The following PPP1R1C variants were observed in gnomAD, a reference collection of about 807,000 sequenced individuals.
PPP1R1C encodes protein phosphatase 1 regulatory subunit 1C.
PPP1R1C carries 15 observed loss-of-function variants against 17.4 expected under a neutral mutation model. The observed-to-expected ratio is 0.86, with a 90% CI of 0.58 to 1.33. PPP1R1C has a LOEUF of 1.33. Ranked by LOEUF, PPP1R1C falls within the 40% of genes most tolerant of loss-of-function variation. The probability of loss-of-function intolerance (pLI) is 0.00; values close to 1 mark genes in which losing one functional copy is unlikely to be tolerated. For missense variants in PPP1R1C, 143 were observed against 130.0 expected, an observed-to-expected ratio of 1.10 and a Z score of -0.48; for synonymous variants, 35 against 43.1, an observed-to-expected ratio of 0.81 and a Z score of 0.73.
chr2:182,127,075 C>T (rs1689892634), intron 5 of PPP1R1C, among the ~76,000 whole-genome samples: 1 of 151,960 alleles, frequency 6.6e-6, no homozygotes, highest in Non-Finnish European at 1.5e-5. Flanking sequence ...TATTAGAATC[C>T]TGAAAGTAAC....
At chr2:182,105,069 A>C (rs1689204032) in intron 4 of PPP1R1C, among the ~76,000 whole-genome samples, 1 of 152,130 alleles carries the variant, frequency 6.6e-6, no homozygotes, top group Non-Finnish European at 1.5e-5. Flanking sequence ...TGTAAAAAAA[A>C]ATGAGGGGTG....
At chr2:181,985,326 C>T (rs371691481), upstream of PPP1R1C, among the ~76,000 whole-genome samples, 1 of 152,114 alleles carries the variant, frequency 6.6e-6, no homozygotes, top group South Asian at 2.1e-4. The surrounding 1 kb of genome is among the most constrained non-coding windows in gnomAD (Gnocchi z 4.1). Context: ...AGTGTGGAGG[C>T]CTAGACGTAG....
intron 2 of PPP1R1C, among the ~76,000 whole-genome samples, chr2:182,030,634 T>C (rs7567169): frequency 0.61 from 84,664 of 137,942 alleles, 26,854 homozygotes; most frequent in Non-Finnish European, 0.72. Flanking sequence ...GACAGGGACA[T>C]TTAAGTCTGC....
intron 2 of PPP1R1C, among the ~76,000 whole-genome samples, chr2:182,023,249 A>G (rs1023992709): frequency 3.3e-5 from 5 of 152,220 alleles, no homozygotes; most frequent in Non-Finnish European, 7.3e-5. Context: ...TCAGATGATA[A>G]GAAGAAACAG....
downstream of PPP1R1C, among the ~76,000 whole-genome samples, chr2:182,119,468 G>A (rs1316236343): frequency 6.6e-6 from 1 of 152,168 alleles, no homozygotes; most frequent in Admixed American, 6.5e-5. Flanking sequence ...CTAGATCCCT[G>A]AGGAATCACC....
chr2:182,071,899 T>C (rs1470372930), intron 4 of PPP1R1C, among the ~76,000 whole-genome samples: 5 of 152,212 alleles, frequency 3.3e-5, no homozygotes, highest in African/African-American at 1.2e-4. Context: ...AGAATATCTT[T>C]ACTTTCTGGG....
chr2:182,120,470 G>A (rs1234219876), downstream of PPP1R1C, among the ~76,000 whole-genome samples: 1 of 151,998 alleles, frequency 6.6e-6, no homozygotes, highest in Non-Finnish European at 1.5e-5. Flanking sequence ...AATGATAAAG[G>A]GGATATCACC....
At chr2:182,124,327 G>GTTTTTTTTTTGT (rs1689816316) in intron 5 of PPP1R1C, among the ~76,000 whole-genome samples, 1 of 83,008 alleles carries the variant, frequency 1.2e-5, no homozygotes, top group African/African-American at 6.0e-5. Flanking sequence ...TTTTTTTTTT[G>GTTTTTTTTTTGT]TTTTTTTTTT....
intron 2 of PPP1R1C, among the ~76,000 whole-genome samples, chr2:182,016,101 A>G (rs1371700881): frequency 6.6e-6 from 1 of 152,160 alleles, no homozygotes; most frequent in Non-Finnish European, 1.5e-5. Flanking sequence ...GATTCCAGCC[A>G]CTGGGATGAG....
intron 2 of PPP1R1C, among the ~76,000 whole-genome samples, chr2:182,027,901 T>A (rs1189337203): frequency 1.6e-5 from 2 of 124,544 alleles, no homozygotes; most frequent in African/African-American, 5.8e-5. Flanking sequence ...CTGTTATTGG[T>A]TTATTCAGAG....
At chr2:181,973,588 T>G (rs879436343) in intron 1 of PPP1R1C, among the ~76,000 whole-genome samples, 2 of 152,102 alleles carry the variant, frequency 1.3e-5, no homozygotes, top group Non-Finnish European at 2.9e-5. Flanking sequence ...ATAGTGATAA[T>G]AAAAAAGGCA....
chr2:181,956,706 T>A, intron 1 of PPP1R1C, among the ~76,000 whole-genome samples: 1 of 152,196 alleles, frequency 6.6e-6, no homozygotes, highest in East Asian at 1.9e-4. Context: ...TTGAAAAGTA[T>A]CTGTTCATAT....
intron 2 of PPP1R1C, among the ~76,000 whole-genome samples, chr2:182,019,486 A>G (rs758001568): frequency 1.1e-4 from 16 of 152,198 alleles, no homozygotes; most frequent in Non-Finnish European, 2.2e-4. Context: ...CCTGCTGATG[A>G]TACAATGGTA....
chr2:181,999,584 C>T (rs1227062801), intron 2 of PPP1R1C, among the ~76,000 whole-genome samples: 2 of 152,040 alleles, frequency 1.3e-5, no homozygotes, highest in Non-Finnish European at 2.9e-5. Flanking sequence ...TATAAGCAAG[C>T]TCCTCTTTGT....
chr2:182,073,562 A>G (rs1166803627), intron 4 of PPP1R1C, among the ~76,000 whole-genome samples: 1 of 152,226 alleles, frequency 6.6e-6, no homozygotes, highest in Non-Finnish European at 1.5e-5. Context: ...GTCAAATGAA[A>G]AAGAAAGTTA....
chr2:182,096,003 A>T (rs902019155), intron 4 of PPP1R1C, among the ~76,000 whole-genome samples: 5 of 152,056 alleles, frequency 3.3e-5, no homozygotes, highest in Non-Finnish European at 7.4e-5. Flanking sequence ...TCTAAAAAAA[A>T]AAAAAAGGTA....
At chr2:181,987,272 A>G (rs1024142646) in intron 1 of PPP1R1C, among the ~76,000 whole-genome samples, 4 of 152,170 alleles carry the variant, frequency 2.6e-5, no homozygotes, top group Non-Finnish European at 5.9e-5. Context: ...TGAAAAAAAA[A>G]AACTTTAGAG....
At chr2:181,997,128 C>T (rs1685635180) in intron 2 of PPP1R1C, among the ~76,000 whole-genome samples, 2 of 151,554 alleles carry the variant, frequency 1.3e-5, no homozygotes, top group African/African-American at 2.4e-5. Context: ...ACTCCGGAGG[C>T]TGAGGCAGGA....
At chr2:182,072,504 G>A (rs551284778) in intron 4 of PPP1R1C, among the ~76,000 whole-genome samples, 1 of 152,298 alleles carries the variant, frequency 6.6e-6, no homozygotes, top group East Asian at 1.9e-4. Flanking sequence ...TTATTTTGGA[G>A]GAAAGTGTGG....
Sources: gnomAD v4.1 joint callset for allele counts (sites outside exome capture counted in the v4.1 genomes callset) on GRCh38, gnomAD v4.1.1 for gene constraint, Gnocchi (gnomAD v3.1) non-coding constraint, MANE v1.5 for transcripts, NCBI Gene and HGNC (gene_info 2026-07-23, HGNC 2026-07-21) for gene names.